Variants in NLGN1 observed in about 807,000 individuals in gnomAD.
NLGN1 encodes neuroligin 1.
NLGN1 carries 12 observed loss-of-function variants against 65.5 expected under a neutral mutation model. That is an observed-to-expected ratio of 0.18 (90% CI 0.12 to 0.30). The LOEUF is 0.30. NLGN1 is among the 10% of genes least tolerant of loss of function. The probability of loss-of-function intolerance (pLI) is 1.00; values close to 1 mark genes in which losing one functional copy is unlikely to be tolerated. For synonymous variants in NLGN1, 350 were observed against 359.5 expected (o/e 0.97, Z 0.30); for missense variants, 750 against 1,007.1 (o/e 0.74, Z 3.46).
intron 3 of NLGN1, among the ~76,000 whole-genome samples, chr3:173,711,059 T>C (rs1768871107): frequency 6.6e-6 from 1 of 152,180 alleles, no homozygotes; most frequent in Non-Finnish European, 1.5e-5. Flanking sequence ...AATATTAGTC[T>C]ACACAGGCAA....
intron 2 of NLGN1, among the ~76,000 whole-genome samples, chr3:173,490,018 T>A (rs1334448283): frequency 2.6e-5 from 4 of 152,198 alleles, no homozygotes; most frequent in Non-Finnish European, 2.9e-5. Context: ...GCAAACATTT[T>A]CTCCCATTCT....
intron 4 of NLGN1, among the ~76,000 whole-genome samples, chr3:174,227,889 C>G (rs1272632490): frequency 1.3e-5 from 2 of 151,980 alleles, no homozygotes; most frequent in Admixed American, 6.6e-5. Context: ...GATAATTTGA[C>G]TAATTGCCTT....
intron 2 of NLGN1, among the ~76,000 whole-genome samples, 198 bp from the exon 2 acceptor site, chr3:173,604,081 G>A (rs1750986351): frequency 6.6e-6 from 1 of 152,094 alleles, no homozygotes; most frequent in African/African-American, 2.4e-5. Context: ...TATAAAGTCA[G>A]CAGATGCATT....
chr3:173,684,952 A>C (rs549918743), intron 3 of NLGN1, among the ~76,000 whole-genome samples: 213 of 152,294 alleles, frequency 1.4e-3, no homozygotes, highest in African/African-American at 5.0e-3. Context: ...TTTTTAATAG[A>C]GTTCTTTTGC....
At chr3:174,272,824 T>C (rs921183455) in intron 4 of NLGN1, among the ~76,000 whole-genome samples, 6 of 151,686 alleles carry the variant, frequency 4.0e-5, no homozygotes, top group Non-Finnish European at 7.4e-5. Flanking sequence ...CTGAGTAATC[T>C]TGGACGTTTT....
intron 4 of NLGN1, among the ~76,000 whole-genome samples, chr3:173,842,377 T>TC (rs1382205040): frequency 1.3e-5 from 2 of 151,906 alleles, no homozygotes; most frequent in African/African-American, 2.4e-5. Flanking sequence ...TTCCCAACAG[T>TC]CCCCCAATGT....
At chr3:174,112,042 A>G (rs568134788) in intron 4 of NLGN1, among the ~76,000 whole-genome samples, 2 of 152,056 alleles carry the variant, frequency 1.3e-5, no homozygotes, top group African/African-American at 4.8e-5. Flanking sequence ...TTGATGCATA[A>G]GACAAACAGA....
intron 4 of NLGN1, among the ~76,000 whole-genome samples, chr3:174,030,475 C>T (rs1729775327): frequency 6.6e-6 from 1 of 152,108 alleles, no homozygotes; most frequent in African/African-American, 2.4e-5. Context: ...CAGTATCTTG[C>T]CCAAAAATAT....
chr3:173,935,593 T>TACACACACAC (rs769538665), intron 4 of NLGN1, among the ~76,000 whole-genome samples: 60 of 142,806 alleles, frequency 4.2e-4, no homozygotes, highest in African/African-American at 1.4e-3. Flanking sequence ...ATATACAGTC[T>TACACACACAC]ACACACACAC....
chr3:173,780,155 A>T (rs919740885), intron 3 of NLGN1, among the ~76,000 whole-genome samples: 2 of 152,192 alleles, frequency 1.3e-5, no homozygotes, highest in Non-Finnish European at 2.9e-5. Context: ...TTTATCCTTA[A>T]TTCATGCTGC....
intron 2 of NLGN1, among the ~76,000 whole-genome samples, chr3:173,534,477 C>G (rs1737117705): frequency 6.6e-5 from 10 of 152,134 alleles, no homozygotes; most frequent in Admixed American, 6.6e-4. Flanking sequence ...TGTCTCTCTT[C>G]CCCCCATGGC....
At chr3:173,776,927 A>G (rs748319375) in intron 3 of NLGN1, among the ~76,000 whole-genome samples, 2 of 152,018 alleles carry the variant, frequency 1.3e-5, no homozygotes, top group African/African-American at 4.8e-5. Flanking sequence ...TCTCATTATC[A>G]TCATAATCTA....
At chr3:173,577,316 C>A (rs1304117443) in intron 2 of NLGN1, among the ~76,000 whole-genome samples, 1 of 152,160 alleles carries the variant, frequency 6.6e-6, no homozygotes, top group Non-Finnish European at 1.5e-5. Flanking sequence ...ATCACATAAA[C>A]CATCTATCCT....
chr3:174,256,518 T>G (rs532270274), intron 4 of NLGN1, among the ~76,000 whole-genome samples: 1 of 152,214 alleles, frequency 6.6e-6, no homozygotes, highest in Admixed American at 6.5e-5. Flanking sequence ...TAGACATGAG[T>G]GCTTTCAATT....
intron 2 of NLGN1, among the ~76,000 whole-genome samples, chr3:173,438,451 G>T (rs1478411576): frequency 2.0e-5 from 3 of 152,090 alleles, no homozygotes; most frequent in African/African-American, 7.2e-5. Flanking sequence ...ATGCCAACTT[G>T]ATCCAGAATT....
intron 2 of NLGN1, among the ~76,000 whole-genome samples, chr3:173,494,151 G>A (rs1160162578): frequency 2.7e-5 from 4 of 149,532 alleles, no homozygotes; most frequent in South Asian, 2.1e-4. Flanking sequence ...GTGTGTGTGC[G>A]CGTGCATGTG....
chr3:173,526,010 A>G (rs1049866435), intron 2 of NLGN1, among the ~76,000 whole-genome samples: 1 of 152,078 alleles, frequency 6.6e-6, no homozygotes, highest in Non-Finnish European at 1.5e-5. Context: ...GATTTTCTTT[A>G]TGGCCAAAAA....
intron 2 of NLGN1, among the ~76,000 whole-genome samples, chr3:173,516,629 G>A (rs1002446959): frequency 2.0e-5 from 3 of 152,048 alleles, no homozygotes; most frequent in African/African-American, 7.2e-5. Context: ...AAACCCTTCA[G>A]TGGCTCATCA....
At chr3:174,147,419 CTTTTTTTTTTTT>C (rs574298501) in intron 4 of NLGN1, among the ~76,000 whole-genome samples, 13 of 36,260 alleles carry the variant, frequency 3.6e-4, no homozygotes, top group Non-Finnish European at 5.2e-4. Context: ...TGGCTCATGG[CTTTTTTTTTTTT>C]TTTTTTTTTT....
Sources: gnomAD v4.1 joint callset for allele counts (sites outside exome capture counted in the v4.1 genomes callset) on GRCh38, gnomAD v4.1.1 for gene constraint, MANE v1.5 for transcripts, NCBI Gene and HGNC (gene_info 2026-07-23, HGNC 2026-07-21) for gene names.